PPP1R9A: variants seen among roughly 807,000 people sequenced by gnomAD.
PPP1R9A encodes protein phosphatase 1 regulatory subunit 9A, also known as neurabin-1.
In PPP1R9A, 59 loss-of-function variants were observed where a neutral mutation model predicts 141.9. The observed-to-expected ratio is 0.42, with a 90% CI of 0.34 to 0.52. The LOEUF (loss-of-function observed/expected upper bound fraction) is 0.52, where lower values mean the gene tolerates loss of function less well. PPP1R9A is among the 20% of genes least tolerant of loss of function. PPP1R9A has a pLI of 0.10. For missense variants in PPP1R9A, 1,444 were observed against 1,611.9 expected (o/e 0.90, Z 1.78); for synonymous variants, 500 against 569.7 (o/e 0.88, Z 1.74).
chr7:94,916,465 C>T (rs1159942348), intron 2 of PPP1R9A, among the ~76,000 whole-genome samples: 4 of 152,256 alleles, frequency 2.6e-5, no homozygotes, highest in South Asian at 2.1e-4. Context: ...TAATAAATTT[C>T]CTTTCCAGAT....
chr7:95,288,327 T>C (rs1805726839), intron 18 of PPP1R9A, among the ~76,000 whole-genome samples: 1 of 152,244 alleles, frequency 6.6e-6, no homozygotes, highest in Non-Finnish European at 1.5e-5. Context: ...AATGGTGCTT[T>C]TTTATTATGG....
intron 2 of PPP1R9A, among the ~76,000 whole-genome samples, chr7:95,087,623 C>T (rs1231354469): frequency 6.6e-6 from 1 of 151,968 alleles, no homozygotes; most frequent in Non-Finnish European, 1.5e-5. Context: ...GGGCCGGGTG[C>T]CGCTGGCTCA....
chr7:95,111,137 T>A, intron 2 of PPP1R9A, 122 bp from the exon 3 acceptor site: 1 of 1,108,852 alleles, frequency 9.0e-7, no homozygotes, highest in Non-Finnish European at 1.2e-6. Context: ...CAATTGATTT[T>A]AAAGACAAAA....
At position 95,280,390 on chromosome 7, in the gene PPP1R9A, C is replaced by A. The variant is rs1803972074; in HGVS notation, c.3297-3628C>A. On this transcript the variant is annotated intron_variant, in intron 16 of 19. Coordinates refer to ENST00000433360, the MANE Select transcript of PPP1R9A (RefSeq NM_001166160.2). Reference sequence around the variant, plus strand: ...GTTAGATGCTGAATACTTCACACACCTGTATTCAAAGTTAGAATGACAACA... The same window carrying A: ...GTTAGATGCTGAATACTTCACACACATGTATTCAAAGTTAGAATGACAACA... Among the ~76,000 whole-genome samples the A allele has an allele frequency of 1.3e-5, 2 of 152,174 alleles. 1 individual carries two copies. Among genetic ancestry groups the A allele is most frequent in the South Asian group, 4.1e-4 (2 of 4,830 alleles).
chr7:95,107,572 G>A (rs183094208), intron 2 of PPP1R9A, among the ~76,000 whole-genome samples: 1 of 151,980 alleles, frequency 6.6e-6, no homozygotes, highest in East Asian at 1.9e-4. Flanking sequence ...TTTTCAGATA[G>A]GTATCTAATT....
In PPP1R9A at chr7:95,290,223, G is replaced by T; in HGVS notation, c.4045G>T (p.Glu1349Ter). ...ACAAAGAGAAAAGCTAAGGAGAAAG[G>T]AGCAAGAGCAAATGCAGAGGAAGTC... is the stretch of plus-strand genomic sequence containing the variant. ...EKQREKLRRK[E>*]QEQMQRKSKK... Residue 1349 changes from glutamate to a stop codon, truncating the protein, a stop_gained, in exon 20 of 20, where the codon GAG becomes TAG. Transcript: ENST00000433360. LOFTEE classifies it high-confidence loss of function. The T allele has an allele frequency of 6.2e-7, 1 of 1,613,424 alleles. No homozygotes were observed. The highest frequency in any genetic ancestry group is 1.1e-5 in the South Asian group (1 of 90,954).
chr7:95,113,439 C>G (rs919928964), intron 3 of PPP1R9A, among the ~76,000 whole-genome samples: 1 of 152,024 alleles, frequency 6.6e-6, no homozygotes, highest in Non-Finnish European at 1.5e-5. Flanking sequence ...CTAAATAACC[C>G]CAAACTGATC....
chr7:95,288,407 C>A, intron 18 of PPP1R9A, 129 bp from the exon 19 acceptor site: 1 of 1,324,972 alleles, frequency 7.5e-7, no homozygotes, highest in Non-Finnish European at 1.0e-6. Flanking sequence ...CCACTAGAAC[C>A]ATTAGCTTAT....
rs115332227 is a variant in PPP1R9A at position 95,153,766 on chromosome 7, C to T, written c.1650-8101C>T. On this transcript the variant is annotated intron_variant, in intron 4 of 19. Transcript: ENST00000433360. The stretch of plus-strand genomic sequence containing the variant: ...GAATTTGGCATTGAAGCCATCCAGT[C>T]CTGGACATTTCTTTGTTGGGAGACT... Among the ~76,000 whole-genome samples, 1,075 of 152,258 alleles carry T rather than the reference C, an allele frequency of 7.1e-3. 14 individuals are homozygous for T. Among genetic ancestry groups the T allele is most frequent in the African/African-American group, 0.024 (1,009 of 41,548 alleles).
chr7:95,105,584 G>A (rs961878371), intron 2 of PPP1R9A, among the ~76,000 whole-genome samples: 4 of 152,198 alleles, frequency 2.6e-5, no homozygotes, highest in Admixed American at 1.3e-4. Context: ...CATATATCTT[G>A]TTGGTGTTGA....
At chr7:95,230,919 T>G (rs1043251284) in intron 8 of PPP1R9A, among the ~76,000 whole-genome samples, 1 of 152,136 alleles carries the variant, frequency 6.6e-6, no homozygotes, top group Non-Finnish European at 1.5e-5. Flanking sequence ...ATACTAACAT[T>G]GAATGTAAAT....
chr7:95,182,552 C>G (rs982835174), intron 5 of PPP1R9A, among the ~76,000 whole-genome samples: 1 of 152,110 alleles, frequency 6.6e-6, no homozygotes, highest in African/African-American at 2.4e-5. Context: ...CACTATAGTA[C>G]AAGGGGCAAT....
At chr7:95,094,879 CAAAAAAAA>C (rs1166550834) in intron 2 of PPP1R9A, among the ~76,000 whole-genome samples, 6 of 44,974 alleles carry the variant, frequency 1.3e-4, no homozygotes, top group East Asian at 1.5e-3. Context: ...GACTGCGTCT[CAAAAAAAA>C]AAAAAAAAAA....
chr7:95,183,461 T>A (rs1409640568), intron 5 of PPP1R9A, among the ~76,000 whole-genome samples: 1 of 147,736 alleles, frequency 6.8e-6, no homozygotes, highest in African/African-American at 2.5e-5. Flanking sequence ...TTTTTTTTTT[T>A]TTTTTTTGAG....
At chr7:95,127,695 G>A (rs186606802) in intron 4 of PPP1R9A, among the ~76,000 whole-genome samples, 197 of 151,978 alleles carry the variant, frequency 1.3e-3, no homozygotes, top group Non-Finnish European at 2.0e-3. Flanking sequence ...TTAGTTCCCA[G>A]TTTCGCTTGT....
chr7:95,176,557 T>C (rs1268348778), intron 5 of PPP1R9A: 2 of 151,530 alleles, frequency 1.3e-5, no homozygotes, highest in African/African-American at 4.9e-5. Flanking sequence ...TATTAGTTAT[T>C]AAGCTAATCA....
chr7:95,222,557 T>A (rs1213222562), intron 7 of PPP1R9A, among the ~76,000 whole-genome samples: 2 of 151,956 alleles, frequency 1.3e-5, no homozygotes, highest in Non-Finnish European at 2.9e-5. Flanking sequence ...GGTAAAGACA[T>A]GAAAGGGAAA....
chr7:95,068,473 GAAAA>G (rs36043693), intron 2 of PPP1R9A, among the ~76,000 whole-genome samples: 4 of 94,214 alleles, frequency 4.2e-5, no homozygotes, highest in African/African-American at 8.1e-5. Flanking sequence ...CTTGTCTCAA[GAAAA>G]AAAAAAAAAA....
intron 2 of PPP1R9A, among the ~76,000 whole-genome samples, chr7:95,029,136 A>G (rs908374786): frequency 1.3e-5 from 2 of 152,234 alleles, no homozygotes; most frequent in African/African-American, 4.8e-5. Flanking sequence ...AAATGTTAAC[A>G]TACAGAGGCC....
Sources: gnomAD v4.1 joint callset for allele counts (sites outside exome capture counted in the v4.1 genomes callset) on GRCh38, gnomAD v4.1.1 for gene constraint, MANE v1.5 for transcripts, NCBI Gene and HGNC (gene_info 2026-07-23, HGNC 2026-07-21) for gene names.